Variants in PRKG1 observed in about 807,000 individuals in gnomAD.
PRKG1 encodes protein kinase cGMP-dependent 1, also known as cGMP-dependent protein kinase 1.
Under a neutral mutation model 88.1 loss-of-function variants are expected in PRKG1, and 35 were observed. The ratio of observed to expected loss-of-function variants is 0.40; its 90% CI spans 0.30 to 0.53. PRKG1 has a LOEUF of 0.53. Among genes scored for constraint, PRKG1 ranks in the 20% least tolerant of loss-of-function variants. The probability of loss-of-function intolerance (pLI) is 0.59; values close to 1 mark genes in which losing one functional copy is unlikely to be tolerated. For synonymous variants in PRKG1, 303 were observed against 292.5 expected (o/e 1.04, Z -0.37); for missense variants, 540 against 839.8 (o/e 0.64, Z 4.41).
intron 5 of PRKG1, among the ~76,000 whole-genome samples, chr10:52,034,461 A>G (rs1008095257): frequency 6.6e-6 from 1 of 151,050 alleles, no homozygotes; most frequent in Non-Finnish European, 1.5e-5. Flanking sequence ...GATGGCCTAG[A>G]TATGGATTTG....
intron 2 of PRKG1, among the ~76,000 whole-genome samples, chr10:51,239,364 C>T (rs1164976321): frequency 2.0e-5 from 3 of 152,270 alleles, no homozygotes; most frequent in South Asian, 4.1e-4. Flanking sequence ...CTCTCTGACC[C>T]TAAGTATCAC....
intron 2 of PRKG1, among the ~76,000 whole-genome samples, chr10:51,282,693 A>G (rs1201067636): frequency 6.6e-6 from 1 of 152,198 alleles, no homozygotes; most frequent in Non-Finnish European, 1.5e-5. Flanking sequence ...AATATTTCCC[A>G]ATGGAAACAG....
chr10:51,394,030 G>T (rs541969028), intron 2 of PRKG1, among the ~76,000 whole-genome samples: 6 of 152,122 alleles, frequency 3.9e-5, no homozygotes, highest in Non-Finnish European at 8.8e-5. Context: ...AGGGGCCCAG[G>T]AGAAGGCCAT....
Position 51,778,508 on chromosome 10 carries a change from A to C in PRKG1, c.593-26077A>C, listed in dbSNP as rs559896340. Among the ~76,000 whole-genome samples, 3 of 152,290 alleles carry C rather than the reference A, an allele frequency of 2.0e-5. No homozygotes were observed. In the South Asian group the frequency reaches 6.2e-4, roughly 32 times the overall value. On this transcript the variant is annotated intron_variant, in intron 3 of 17. Transcript: ENST00000373980. ...TTTAATGCCTTACTTTATTTTGCTCAGGTTAATTTAGCTTTCCATTTGGTA... is the reference window on the plus strand; with the variant it reads ...TTTAATGCCTTACTTTATTTTGCTCCGGTTAATTTAGCTTTCCATTTGGTA...
intron 2 of PRKG1, among the ~76,000 whole-genome samples, chr10:51,269,663 A>G (rs982258153): frequency 1.3e-5 from 2 of 152,140 alleles, no homozygotes; most frequent in East Asian, 1.9e-4. Flanking sequence ...AAGCTAAACT[A>G]TGAGGGTACA....
intron 5 of PRKG1, among the ~76,000 whole-genome samples, chr10:51,968,820 CAAAAAAAA>C (rs56810665): frequency 0.023 from 2,409 of 105,490 alleles, 57 homozygotes; most frequent in Middle Eastern, 0.076. Context: ...AAAACTCCAT[CAAAAAAAA>C]AAAAAAAAAG....
intron 3 of PRKG1, among the ~76,000 whole-genome samples, chr10:51,657,952 A>G (rs1840202475): frequency 6.6e-6 from 1 of 152,182 alleles, no homozygotes; most frequent in Non-Finnish European, 1.5e-5. Context: ...CGTGTCCTAA[A>G]CAAGTTTTTT....
chr10:51,680,774 A>G (rs1840832118), intron 3 of PRKG1, among the ~76,000 whole-genome samples: 1 of 152,234 alleles, frequency 6.6e-6, no homozygotes, highest in Admixed American at 6.5e-5. Context: ...GCTCAGAGGA[A>G]CTGGGACAAA....
At chr10:51,335,738 G>T (rs1841860119) in intron 2 of PRKG1, among the ~76,000 whole-genome samples, 1 of 152,066 alleles carries the variant, frequency 6.6e-6, no homozygotes, top group African/African-American at 2.4e-5. Context: ...AAATACTACA[G>T]AGCTGTCACC....
rs534669696 is a variant in PRKG1, at chr10:51,255,672, C to T, written c.478+102342C>T. Among the ~76,000 whole-genome samples the T allele has an allele frequency of 2.0e-4, 30 of 151,858 alleles. No homozygotes were observed. In the South Asian group the frequency reaches 5.1e-3, roughly 26 times the overall value. On this transcript the variant is annotated intron_variant, in intron 2 of 17. Coordinates refer to ENST00000373980, the MANE Select transcript of PRKG1 (RefSeq NM_006258.4). The stretch of plus-strand genomic sequence containing the variant: ...GTCGTTCTTTCCTGCACTGTTTTTT[C>T]GGGAGGAAGTAACTTCCCAGGTGCT...
chr10:52,288,591 A>AT, intron 14 of PRKG1, 135 bp from the exon 15 acceptor site: 4 of 1,038,466 alleles, frequency 3.9e-6, no homozygotes, highest in Non-Finnish European at 4.0e-6. Flanking sequence ...CTATTAATCT[A>AT]TTTTCATTCC....
rs375343952 is a variant in PRKG1, at chr10:51,077,061, A to T, written c.311+2160A>T. Among the ~76,000 whole-genome samples the T allele has an allele frequency of 6.7e-4, 102 of 152,294 alleles. 1 individual carries two copies. Among genetic ancestry groups the T allele is most frequent in the African/African-American group, 2.2e-3 (93 of 41,564 alleles). ...AGAAAACTAGAAAAAAATTGGCTTG[A>T]GTAGTAGAAAGTGTACCTTTCTTAG... On this transcript the variant is annotated intron_variant, in intron 1 of 17. Transcript: ENST00000373980.
At chr10:51,609,568 G>T (rs773608172) in intron 3 of PRKG1, among the ~76,000 whole-genome samples, 1 of 152,240 alleles carries the variant, frequency 6.6e-6, no homozygotes, top group Non-Finnish European at 1.5e-5. Flanking sequence ...ATTCACAATA[G>T]CAAAGACATG....
At chr10:51,859,838 T>C (rs1214754696) in intron 4 of PRKG1, among the ~76,000 whole-genome samples, 4 of 152,192 alleles carry the variant, frequency 2.6e-5, no homozygotes, top group Non-Finnish European at 4.4e-5. Context: ...ATACTTTTCA[T>C]TGTGAGGTGT....
chr10:51,341,068 A>G (rs1216672944), intron 2 of PRKG1, among the ~76,000 whole-genome samples: 1 of 152,198 alleles, frequency 6.6e-6, no homozygotes, highest in East Asian at 1.9e-4. Flanking sequence ...TTTCCATAAA[A>G]TATCCATATT....
intron 1 of PRKG1, among the ~76,000 whole-genome samples, chr10:51,019,811 A>C (rs534071137): frequency 1.4e-4 from 21 of 152,224 alleles, no homozygotes; most frequent in East Asian, 1.4e-3. Flanking sequence ...CAAAACAAAA[A>C]AAAACTCAAT....
At chr10:51,136,420 A>G (rs904122768) in intron 1 of PRKG1, among the ~76,000 whole-genome samples, 1 of 152,042 alleles carries the variant, frequency 6.6e-6, no homozygotes, top group African/African-American at 2.4e-5. Context: ...ATAGATAGTA[A>G]TTTCAGCGAA....
chr10:51,368,186 T>C (rs1842628442), intron 2 of PRKG1, among the ~76,000 whole-genome samples: 1 of 152,046 alleles, frequency 6.6e-6, no homozygotes, highest in Non-Finnish European at 1.5e-5. Context: ...TTACCCAAGG[T>C]ATTTCCTTAC....
chr10:51,229,162 T>C (rs1356214823), intron 2 of PRKG1, among the ~76,000 whole-genome samples: 1 of 152,184 alleles, frequency 6.6e-6, no homozygotes, highest in East Asian at 1.9e-4. Context: ...ATGATGATTT[T>C]GTTAATATGT....
Sources: allele counts gnomAD v4.1 joint callset (sites outside exome capture counted in the v4.1 genomes callset), GRCh38; gene constraint gnomAD v4.1.1; transcripts MANE v1.5; gene names NCBI Gene and HGNC (gene_info 2026-07-23, HGNC 2026-07-21).